Variants in FAR2 observed in about 807,000 individuals in gnomAD.
FAR2 encodes the protein fatty acyl-CoA reductase 2.
FAR2 carries 19 observed loss-of-function variants against 56.0 expected under a neutral mutation model. The observed-to-expected ratio is 0.34, with a 90% CI of 0.24 to 0.50. FAR2 has a LOEUF of 0.50. FAR2 is among the 20% of genes least tolerant of loss of function. FAR2 has a pLI of 0.98. For synonymous variants in FAR2, 219 were observed against 218.8 expected, an observed-to-expected ratio of 1.00 and a Z score of -0.01; for missense variants, 508 against 642.2, an observed-to-expected ratio of 0.79 and a Z score of 2.26.
intron 1 of FAR2, among the ~76,000 whole-genome samples, chr12:29,173,113 G>A (rs1005458460): frequency 2.0e-5 from 3 of 152,214 alleles, no homozygotes; most frequent in Non-Finnish European, 4.4e-5. Flanking sequence ...GTTTGCCCTA[G>A]ATCCTGTAGG....
chr12:29,263,008 C>A (rs1171387400), intron 1 of FAR2, among the ~76,000 whole-genome samples: 1 of 151,892 alleles, frequency 6.6e-6, no homozygotes, highest in African/African-American at 2.4e-5. Flanking sequence ...ATATTTATAC[C>A]AGACAAAATA....
chr12:29,295,720 T>C (rs541722267), intron 3 of FAR2, among the ~76,000 whole-genome samples: 2 of 151,540 alleles, frequency 1.3e-5, no homozygotes, highest in South Asian at 4.1e-4. Flanking sequence ...TCTCTAATTT[T>C]TGTTTATATA....
intron 1 of FAR2, among the ~76,000 whole-genome samples, chr12:29,256,491 C>T (rs1211363263): frequency 1.3e-5 from 2 of 152,244 alleles, no homozygotes; most frequent in African/African-American, 4.8e-5. Flanking sequence ...GCAGTCCTCA[C>T]AGCCCTCGCT....
chr12:29,321,985 T>A (rs1949560695), intron 10 of FAR2, 61 bp downstream of exon 10: 1 of 1,544,094 alleles, frequency 6.5e-7, no homozygotes. Flanking sequence ...TTAGAATTAT[T>A]TGATTTGGAA....
intron 1 of FAR2, among the ~76,000 whole-genome samples, chr12:29,177,646 C>A (rs1949950976): frequency 6.6e-6 from 1 of 152,134 alleles, no homozygotes; most frequent in South Asian, 2.1e-4. Context: ...TACTCTGACA[C>A]AGTACCTGAA....
intron 1 of FAR2, among the ~76,000 whole-genome samples, chr12:29,214,862 A>G (rs757243586): frequency 7.2e-5 from 11 of 151,864 alleles, no homozygotes; most frequent in Non-Finnish European, 1.3e-4. Context: ...TAAAAAAATA[A>G]AGAACGTGAA....
At chr12:29,216,789 C>G (rs1213853695) in intron 1 of FAR2, among the ~76,000 whole-genome samples, 1 of 152,098 alleles carries the variant, frequency 6.6e-6, no homozygotes, top group African/African-American at 2.4e-5. Context: ...AAATATAAGT[C>G]CAGCATTTTG....
Position 29,270,587 on chromosome 12 carries a change from C to T in FAR2, c.138C>T (p.Pro46=). 1 of 1,614,036 alleles carries T rather than the reference C, an allele frequency of 6.2e-7. No homozygotes were observed. The highest frequency in any genetic ancestry group is 1.1e-5 in the South Asian group (1 of 91,058). ...AAGTCATTTACATCCTTGTGAGGCC[C>T]AAGGCTGGCCAGACACTGCAGCAGA... ...DLKVIYILVR[P]KAGQTLQQRV... Residue 46 remains proline, a synonymous_variant, in exon 2 of 12, where the codon CCC becomes CCT. Transcript: ENST00000536681.
At chr12:29,238,454 TAATA>T (rs943651422) in intron 1 of FAR2, among the ~76,000 whole-genome samples, 23 of 152,242 alleles carry the variant, frequency 1.5e-4, no homozygotes, top group African/African-American at 4.6e-4. Flanking sequence ...ATGTTTTAAA[TAATA>T]AATAAATATT....
chr12:29,218,945 G>T (rs1431971680), intron 1 of FAR2, among the ~76,000 whole-genome samples: 1 of 152,056 alleles, frequency 6.6e-6, no homozygotes, highest in African/African-American at 2.4e-5. Context: ...AGGCTGGAGT[G>T]CAGTGGTGCC....
At chr12:29,236,051 G>A (rs1004904457) in intron 1 of FAR2, among the ~76,000 whole-genome samples, 3 of 152,114 alleles carry the variant, frequency 2.0e-5, no homozygotes, top group African/African-American at 7.2e-5. Flanking sequence ...TACTTTGAAT[G>A]TTCTCACTGC....
chr12:29,226,127 G>A (rs1157729161), intron 1 of FAR2, among the ~76,000 whole-genome samples: 3 of 152,152 alleles, frequency 2.0e-5, no homozygotes, highest in Non-Finnish European at 4.4e-5. Flanking sequence ...ATGATGTGTG[G>A]GACATTGTCT....
rs532789605 is a variant in FAR2, at chr12:29,180,669, T to C, written c.-39+31262T>C. On this transcript the variant is annotated intron_variant, in intron 1 of 11. Transcript: ENST00000536681. ...GAGATACTTGGTCTGGGGAATCTTT[T>C]CTCTTTTCAAATTGTATGTATTTTC... is the stretch of plus-strand genomic sequence containing the variant. Among the ~76,000 whole-genome samples, 4 of 152,332 alleles carry C rather than the reference T, an allele frequency of 2.6e-5. No homozygotes were observed. In the East Asian group the frequency reaches 7.7e-4, roughly 29 times the overall value.
chr12:29,330,415 T>C (rs139729459), intron 10 of FAR2, among the ~76,000 whole-genome samples: 5 of 152,272 alleles, frequency 3.3e-5, no homozygotes, highest in African/African-American at 1.2e-4. Context: ...GTTGAGAGGA[T>C]AAAGCAAAAG....
In FAR2 at chr12:29,181,050, C is replaced by A. The variant is rs11050102; in HGVS notation, c.-39+31643C>A. On this transcript the variant is annotated intron_variant, in intron 1 of 11. Coordinates refer to ENST00000536681, the MANE Select transcript of FAR2 (RefSeq NM_001271783.2). ...ATTACCCTTAAATATTCATTAATTC[C>A]TATGTACTTATCTGCAAAATATAGA... Among the ~76,000 whole-genome samples the A allele has an allele frequency of 4.8e-3, 726 of 152,036 alleles. 4 individuals carry two copies. Among genetic ancestry groups the A allele is most frequent in the Middle Eastern group, 0.017 (5 of 292 alleles).
chr12:29,213,949 A>G (rs1300335638), intron 1 of FAR2, among the ~76,000 whole-genome samples: 1 of 152,198 alleles, frequency 6.6e-6, no homozygotes, highest in Non-Finnish European at 1.5e-5. Flanking sequence ...AGAAAACACC[A>G]GAGAGCTTTG....
chr12:29,291,290 C>T, intron 2 of FAR2: 1 of 418,068 alleles, frequency 2.4e-6, no homozygotes, highest in South Asian at 1.7e-5. Context: ...ACCATCAGAT[C>T]CACCTGCAGA....
chr12:29,183,445 C>T (rs1016476690), intron 1 of FAR2, among the ~76,000 whole-genome samples: 11 of 152,170 alleles, frequency 7.2e-5, no homozygotes, highest in African/African-American at 2.7e-4. Context: ...GATCCTAGCC[C>T]AATTCGAACT....
chr12:29,312,330 C>T (rs886986461), intron 8 of FAR2, among the ~76,000 whole-genome samples: 3 of 152,090 alleles, frequency 2.0e-5, no homozygotes, highest in African/African-American at 7.2e-5. Flanking sequence ...ACTGAGAATG[C>T]GACATCATCA....
Sources: gnomAD v4.1 joint callset for allele counts (sites outside exome capture counted in the v4.1 genomes callset) on GRCh38, gnomAD v4.1.1 for gene constraint, MANE v1.5 for transcripts, NCBI Gene and HGNC (gene_info 2026-07-23, HGNC 2026-07-21) for gene names.